Variants in FGD4 observed in about 807,000 individuals in gnomAD.
FGD4 encodes the protein FYVE, RhoGEF and PH domain-containing protein 4.
FGD4 carries 42 observed loss-of-function variants against 102.0 expected under a neutral mutation model. The observed-to-expected ratio is 0.41, with a 90% CI of 0.32 to 0.53. FGD4 has a LOEUF of 0.53. FGD4 is among the 20% of genes least tolerant of loss of function. The probability of loss-of-function intolerance (pLI) is 0.21; values close to 1 mark genes in which losing one functional copy is unlikely to be tolerated. For missense variants in FGD4, 902 were observed against 1,078.2 expected (o/e 0.84, Z 2.29); for synonymous variants, 380 against 375.7 (o/e 1.01, Z -0.13).
At chr12:32,637,350 A>C (rs1432835975) in intron 15 of FGD4, among the ~76,000 whole-genome samples, 1 of 151,828 alleles carries the variant, frequency 6.6e-6, no homozygotes, top group African/African-American at 2.4e-5. Flanking sequence ...TAATCCCAGC[A>C]CTTTGGGAGG....
chr12:32,527,143 A>G (rs1488262828), intron 1 of FGD4, among the ~76,000 whole-genome samples: 1 of 152,236 alleles, frequency 6.6e-6, no homozygotes, highest in Non-Finnish European at 1.5e-5. Flanking sequence ...TATCCAAAAG[A>G]ATACTTGTGC....
In FGD4 at chr12:32,550,243, G is replaced by T. The variant is rs187156985; in HGVS notation, c.167-13894G>T. 6.6e-5 allele frequency among the ~76,000 whole-genome samples: 10 copies of T among 152,262 alleles called. No individual in the cohort carries two copies. In the East Asian group the frequency reaches 1.9e-3, roughly 29 times the overall value. On this transcript the variant is annotated intron_variant, in intron 1 of 16. Transcript: ENST00000534526. ...GGAGAAAAAGAAAAAAACAAAGAATGGAATAAAGTAAAAGCATGATAGGTT... is the reference window on the plus strand; with the variant it reads ...GGAGAAAAAGAAAAAAACAAAGAATTGAATAAAGTAAAAGCATGATAGGTT...
In FGD4 at chr12:32,564,275, G is replaced by A. The variant is rs890045530; in HGVS notation, c.305G>A (p.Ser102Asn). 54 of 1,535,924 alleles carry A rather than the reference G, an allele frequency of 3.5e-5. No individual in the cohort carries two copies. Among genetic ancestry groups the A allele is most frequent in the Non-Finnish European group, 4.3e-5 (49 of 1,146,876 alleles). Residue 102 changes from serine to asparagine, a missense_variant, in exon 2 of 17, where the codon AGT (serine) becomes AAT (asparagine). Around this residue, in one of 2 missense-constraint regions of FGD4, gnomAD observed 443 missense variants for 459.2 expected, o/e 0.96. Transcript: ENST00000534526. ...GNRPAKHSAASPKPQVPPKPL... is the reference protein window; with the variant it reads ...GNRPAKHSAANPKPQVPPKPL... ...AGGCCAGCAAAACACTCAGCTGCAAGTCCAAAGCCACAAGGTATGCTCACT... is the reference window on the plus strand; with the variant it reads ...AGGCCAGCAAAACACTCAGCTGCAAATCCAAAGCCACAAGGTATGCTCACT...
chr12:32,408,102 C>T (rs1253027361), intron 1 of FGD4, among the ~76,000 whole-genome samples: 1 of 151,516 alleles, frequency 6.6e-6, no homozygotes, highest in African/African-American at 2.4e-5. Flanking sequence ...CAGGTTCAAA[C>T]GATTCCCCTG....
At chr12:32,590,258 C>T (rs1046883321) in intron 4 of FGD4, among the ~76,000 whole-genome samples, 1 of 148,024 alleles carries the variant, frequency 6.8e-6, no homozygotes, top group Admixed American at 6.9e-5. Flanking sequence ...TGCAGTGAGC[C>T]GAGATCGCGC....
At chr12:32,529,190 C>T (rs11052052) in intron 1 of FGD4, among the ~76,000 whole-genome samples, 92 of 152,084 alleles carry the variant, frequency 6.0e-4, no homozygotes, top group African/African-American at 1.8e-3. Context: ...TCTTGGCTCA[C>T]TGCAACCTCC....
chr12:32,474,024 G>A (rs1591971828), intron 1 of FGD4, among the ~76,000 whole-genome samples: 1 of 151,956 alleles, frequency 6.6e-6, no homozygotes, highest in East Asian at 1.9e-4. Context: ...GGAGGCAGAG[G>A]TTGCAGTGAG....
At chr12:32,617,015 C>A (rs1949494322) in intron 10 of FGD4, among the ~76,000 whole-genome samples, 1 of 152,168 alleles carries the variant, frequency 6.6e-6, no homozygotes, top group South Asian at 2.1e-4. Context: ...AAATCCACCT[C>A]ATGGCCTCAA....
chr12:32,459,442 C>T (rs1340490687), intron 1 of FGD4, among the ~76,000 whole-genome samples: 3 of 152,044 alleles, frequency 2.0e-5, no homozygotes, highest in African/African-American at 7.2e-5. Flanking sequence ...GATCCACCAC[C>T]TTGACCTCCC....
rs1388746739 is a variant in FGD4, at chr12:32,643,592, A to T, written c.*3059A>T. On this transcript the variant is annotated 3_prime_UTR_variant, in exon 17 of 17. Coordinates refer to ENST00000534526, the MANE Select transcript of FGD4 (RefSeq NM_001370298.3). ...TGACTTAACTTACCCCAATTTTTTT[A>T]AAAATTATTAAACTTTTTACAGAAA... The T allele has an allele frequency of 1.3e-5, 2 of 152,042 alleles. No homozygotes were observed. The highest frequency in any genetic ancestry group is 4.8e-5 in the African/African-American group (2 of 41,526). 9.4% of individuals were successfully genotyped at this position (152,042 alleles called of 1,614,324 possible). A position where few individuals can be genotyped will look rare whatever the true frequency, so the allele number is the denominator to read the frequency against.
At chr12:32,565,306 A>G (rs1945099986) in intron 2 of FGD4, among the ~76,000 whole-genome samples, 1 of 152,208 alleles carries the variant, frequency 6.6e-6, no homozygotes, top group Non-Finnish European at 1.5e-5. Flanking sequence ...TTGTGGTGGT[A>G]TGGAATATCA....
intron 1 of FGD4, among the ~76,000 whole-genome samples, chr12:32,422,308 T>A (rs1941665673): frequency 8.6e-6 from 1 of 116,340 alleles, no homozygotes. Flanking sequence ...TTTTTTTTTT[T>A]TTTTTTTTGA....
chr12:32,563,115 G>C (rs1249641548), intron 1 of FGD4, among the ~76,000 whole-genome samples: 1 of 150,766 alleles, frequency 6.6e-6, no homozygotes, highest in Non-Finnish European at 1.5e-5. Flanking sequence ...CCTCCCTCCC[G>C]GACGGGACGG....
chr12:32,461,671 C>T (rs1943107310), intron 1 of FGD4, among the ~76,000 whole-genome samples: 1 of 152,172 alleles, frequency 6.6e-6, no homozygotes, highest in Non-Finnish European at 1.5e-5. Context: ...TCTGTTCCCA[C>T]AGTTTATGCC....
intron 1 of FGD4, among the ~76,000 whole-genome samples, chr12:32,423,999 C>T (rs1211089689): frequency 2.0e-5 from 3 of 152,050 alleles, no homozygotes; most frequent in Admixed American, 6.6e-5. Context: ...GTGCCTAGCT[C>T]ATTTGACTTA....
chr12:32,526,098 C>G (rs922765584), intron 1 of FGD4, among the ~76,000 whole-genome samples: 11 of 152,236 alleles, frequency 7.2e-5, no homozygotes, highest in Non-Finnish European at 1.3e-4. Context: ...CCTGCAGCCC[C>G]GGTGCGGGAT....
intron 1 of FGD4, among the ~76,000 whole-genome samples, chr12:32,452,966 C>T (rs1942822602): frequency 6.6e-6 from 1 of 151,260 alleles, no homozygotes; most frequent in Non-Finnish European, 1.5e-5. Context: ...CCAGCCTGGG[C>T]AACAGAGTGA....
At chr12:32,435,185 C>T (rs949011075) in intron 1 of FGD4, among the ~76,000 whole-genome samples, 2 of 152,094 alleles carry the variant, frequency 1.3e-5, no homozygotes, top group African/African-American at 2.4e-5. Context: ...TCAGGTGATC[C>T]GCCCACCTTG....
At chr12:32,465,899 C>T (rs1311586055) in intron 1 of FGD4, among the ~76,000 whole-genome samples, 1 of 152,068 alleles carries the variant, frequency 6.6e-6, no homozygotes, top group Non-Finnish European at 1.5e-5. Context: ...CTGCCTCAGC[C>T]TCTCAAGCAG....
Sources: allele counts gnomAD v4.1 joint callset (sites outside exome capture counted in the v4.1 genomes callset), GRCh38; gene constraint gnomAD v4.1.1; regional missense constraint gnomAD v4.1.1; transcripts MANE v1.5; gene names NCBI Gene and HGNC (gene_info 2026-07-23, HGNC 2026-07-21).